Variants in GFRA1 observed in about 807,000 individuals in gnomAD.
GFRA1 encodes GDNF family receptor alpha 1, also known as GDNF family receptor alpha-1.
A neutral mutation model predicts 51.6 loss-of-function variants in GFRA1; 16 were observed. The observed-to-expected ratio is 0.31, with a 90% CI of 0.21 to 0.47. The LOEUF is 0.47. Among genes scored for constraint, GFRA1 ranks in the 20% least tolerant of loss-of-function variants. The probability of loss-of-function intolerance (pLI) is 1.00; values close to 1 mark genes in which losing one functional copy is unlikely to be tolerated. For synonymous variants in GFRA1, 270 were observed against 241.3 expected (o/e 1.12, Z -1.10); for missense variants, 530 against 594.3 (o/e 0.89, Z 1.13).
intron 5 of GFRA1, among the ~76,000 whole-genome samples, chr10:116,131,725 A>T (rs990438146): frequency 9.2e-5 from 14 of 152,094 alleles, no homozygotes; most frequent in African/African-American, 3.4e-4. Flanking sequence ...TAAAATATTA[A>T]AAGACTGGCT....
At chr10:116,273,091 G>C (rs1844079807) in intron 1 of GFRA1, 72 bp downstream of exon 1, 1 of 152,182 alleles carries the variant, frequency 6.6e-6, no homozygotes, top group Admixed American at 6.5e-5. Context: ...GGGGAAGAAG[G>C]AGTGGGGAAG....
In GFRA1 at chr10:116,089,766, A is replaced by G; in HGVS notation, c.1172T>C (p.Val391Ala). ...CTGTAAATTTGCACACGGTGGCAAA[A>G]CATGAGTGGGAATTTCATTCTCAGA... The part of the protein sequence containing the change: ...AGSENEIPTH[V>A]LPPCANLQAQ... Residue 391 changes from valine (V) to alanine (A), a missense_variant, in exon 9 of 11, where the codon GTT becomes GCT. By Grantham distance (64) the Val-to-Ala change is moderately conservative. Coordinates refer to ENST00000355422, the MANE Select transcript of GFRA1 (RefSeq NM_005264.8). 6.2e-7 allele frequency: 1 copy of G among 1,614,152 alleles called. No homozygotes were observed. Among genetic ancestry groups the G allele is most frequent in the Non-Finnish European group, 8.5e-7 (1 of 1,180,010 alleles).
intron 4 of GFRA1, among the ~76,000 whole-genome samples, chr10:116,247,305 C>A (rs1247851432): frequency 6.6e-6 from 1 of 152,206 alleles, no homozygotes; most frequent in Non-Finnish European, 1.5e-5. Flanking sequence ...CAAGTGTAAG[C>A]CCCTATCAGT....
intron 5 of GFRA1, among the ~76,000 whole-genome samples, chr10:116,181,634 T>G (rs1485639669): frequency 1.3e-5 from 2 of 150,284 alleles, no homozygotes; most frequent in Non-Finnish European, 3.0e-5. Context: ...GGTTTTTTTT[T>G]GTTGTTTTTT....
chr10:116,124,024 C>T (rs1293822529), intron 6 of GFRA1, among the ~76,000 whole-genome samples: 1 of 152,156 alleles, frequency 6.6e-6, no homozygotes, highest in Non-Finnish European at 1.5e-5. Context: ...CCTGCCTCAG[C>T]CTCCTGAGTA....
At chr10:116,226,329 A>G (rs1040782131) in intron 4 of GFRA1, among the ~76,000 whole-genome samples, 1 of 152,220 alleles carries the variant, frequency 6.6e-6, no homozygotes, top group Non-Finnish European at 1.5e-5. Context: ...CAGGCTCAGA[A>G]AACGATGACT....
intron 5 of GFRA1, among the ~76,000 whole-genome samples, chr10:116,189,656 C>T (rs1963073421): frequency 6.6e-6 from 1 of 152,124 alleles, no homozygotes; most frequent in African/African-American, 2.4e-5. Flanking sequence ...AATGAAATCT[C>T]TTTTAAGCAA....
chr10:116,137,104 T>C lies in GFRA1; in HGVS notation c.434-11547A>G, dbSNP rs182009686. Among the ~76,000 whole-genome samples, 6 of 152,278 alleles carry C rather than the reference T, an allele frequency of 3.9e-5. No homozygotes were observed. The East Asian group carries it at 1.2e-3, about 29-fold the overall frequency. On this transcript the variant is annotated intron_variant, in intron 5 of 10. Coordinates refer to ENST00000355422, the MANE Select transcript of GFRA1 (RefSeq NM_005264.8). ...ATAGTCACACGGTACATTTGCTCTG[T>C]TCCTCCCAACAGCTAGAGCAAAAAG...
chr10:116,092,787 G>GA (rs3837360), intron 8 of GFRA1, among the ~76,000 whole-genome samples: 11,113 of 151,892 alleles, frequency 0.073, 788 homozygotes, highest in Admixed American at 0.21. Flanking sequence ...CAGTAAATGA[G>GA]AATGTATATT....
intron 4 of GFRA1, among the ~76,000 whole-genome samples, chr10:116,215,664 C>T (rs1225078081): frequency 1.3e-5 from 2 of 152,202 alleles, no homozygotes; most frequent in African/African-American, 2.4e-5. Flanking sequence ...TCTGCTCTTG[C>T]AGGAATTGGA....
intron 4 of GFRA1, among the ~76,000 whole-genome samples, chr10:116,247,271 T>C (rs1308160571): frequency 6.6e-6 from 1 of 152,200 alleles, no homozygotes; most frequent in African/African-American, 2.4e-5. Context: ...GTCCCTTGAA[T>C]CTAACTGCTT....
At chr10:116,090,074 T>C in intron 8 of GFRA1, 152 bp from the exon 9 acceptor site, 1 of 742,066 alleles carries the variant, frequency 1.3e-6, no homozygotes, top group Non-Finnish European at 2.3e-6. Flanking sequence ...CTATACATGC[T>C]GAGAGCCAGT....
At chr10:116,069,640 G>C (rs572724530) in intron 9 of GFRA1, among the ~76,000 whole-genome samples, 38 of 152,340 alleles carry the variant, frequency 2.5e-4, no homozygotes, top group African/African-American at 9.1e-4. Flanking sequence ...CCTGGCACCA[G>C]AGGGTTAATA....
chr10:116,159,758 G>C (rs544012426), intron 5 of GFRA1, among the ~76,000 whole-genome samples: 1 of 152,140 alleles, frequency 6.6e-6, no homozygotes, highest in African/African-American at 2.4e-5. Context: ...TGTGGCGTGT[G>C]GGCCACAGGT....
At chr10:116,187,788 A>C (rs902797397) in intron 5 of GFRA1, among the ~76,000 whole-genome samples, 2 of 152,168 alleles carry the variant, frequency 1.3e-5, no homozygotes, top group Admixed American at 6.5e-5. Flanking sequence ...AACATTGGCC[A>C]TGGAAAATCT....
chr10:116,258,358 TATA>T (rs1424302032), intron 4 of GFRA1, among the ~76,000 whole-genome samples: 11 of 138,504 alleles, frequency 7.9e-5, no homozygotes, highest in African/African-American at 1.1e-4. Flanking sequence ...ATATATAATA[TATA>T]ATAATAAAAT....
intron 8 of GFRA1, 43 bp downstream of exon 8, chr10:116,093,659 A>G: frequency 6.3e-7 from 1 of 1,589,074 alleles, no homozygotes; most frequent in Admixed American, 1.7e-5. Flanking sequence ...CTCGGAGAAG[A>G]AAATGCGTTT....
At chr10:116,066,778 G>A (rs920591948) in intron 9 of GFRA1, among the ~76,000 whole-genome samples, 13 of 152,152 alleles carry the variant, frequency 8.5e-5, no homozygotes, top group East Asian at 1.9e-4. Context: ...AACAGGAGCC[G>A]TTTGGCACTG....
upstream of GFRA1, among the ~76,000 whole-genome samples, chr10:116,274,576 G>C (rs746839033): frequency 5.9e-5 from 9 of 152,102 alleles, no homozygotes; most frequent in Non-Finnish European, 1.2e-4. Flanking sequence ...GCGGCTGCTT[G>C]CAGGCGGGCT....
Sources: allele counts gnomAD v4.1 joint callset (sites outside exome capture counted in the v4.1 genomes callset), GRCh38; gene constraint gnomAD v4.1.1; transcripts MANE v1.5; gene names NCBI Gene and HGNC (gene_info 2026-07-23, HGNC 2026-07-21).